ENOPH1: variants seen among roughly 807,000 people sequenced by gnomAD.
The protein encoded by ENOPH1 is enolase-phosphatase E1.
A neutral mutation model predicts 31.1 loss-of-function variants in ENOPH1; 14 were observed. The ratio of observed to expected loss-of-function variants is 0.45; its 90% CI spans 0.30 to 0.70. ENOPH1 has a LOEUF of 0.70. Among genes scored for constraint, ENOPH1 ranks in the 30% least tolerant of loss-of-function variants. The probability of loss-of-function intolerance (pLI) is 0.09; values close to 1 mark genes in which losing one functional copy is unlikely to be tolerated. For missense variants in ENOPH1, 243 were observed against 321.5 expected, an observed-to-expected ratio of 0.76 and a Z score of 1.87; for synonymous variants, 127 against 123.2, an observed-to-expected ratio of 1.03 and a Z score of -0.21.
chr4:82,452,900 C>CTTTTT (rs761337281), intron 3 of ENOPH1, among the ~76,000 whole-genome samples: 1 of 115,926 alleles, frequency 8.6e-6, no homozygotes, highest in Non-Finnish European at 1.8e-5. Context: ...CTGAGAAATT[C>CTTTTT]TTTTTTTTTT....
chr4:82,435,375 A>G (rs1721880182), intron 1 of ENOPH1, among the ~76,000 whole-genome samples: 1 of 152,106 alleles, frequency 6.6e-6, no homozygotes, highest in Admixed American at 6.5e-5. Context: ...GAGTGCTGGG[A>G]TTATAGGCAT....
At chr4:82,452,987 C>T (rs1323422068) in intron 3 of ENOPH1, among the ~76,000 whole-genome samples, 1 of 151,188 alleles carries the variant, frequency 6.6e-6, no homozygotes, top group African/African-American at 2.4e-5. Flanking sequence ...CTGCAAGCTC[C>T]GCCTCCTGGG....
rs1306375430 is a variant in ENOPH1 at position 82,451,197 on chromosome 4, A to G, written c.341A>G (p.Gln114Arg). 8 of 1,614,228 alleles carry G rather than the reference A, an allele frequency of 5.0e-6. No individual in the cohort carries two copies. Among genetic ancestry groups the G allele is most frequent in the African/African-American group, 1.3e-5 (1 of 75,062 alleles). The change falls in exon 3 of 6, where the codon CAG (glutamine) becomes CGG (arginine). Residue 114 changes from glutamine to arginine, a missense_variant. Physicochemically the swap from Gln to Arg is conservative, Grantham distance 43. Transcript: ENST00000273920. ...DRKTTALKQL[Q>R]GHMWRAAFTA... ...AAGACCACTGCACTCAAACAGCTGC[A>G]GGGCCACATGTGGAGGGCGGCATTC...
intron 1 of ENOPH1, among the ~76,000 whole-genome samples, chr4:82,445,784 C>T (rs921458487): frequency 6.6e-6 from 1 of 152,154 alleles, no homozygotes; most frequent in Non-Finnish European, 1.5e-5. Flanking sequence ...TAAATTCTAG[C>T]CTCATTGTCT....
intron 3 of ENOPH1, among the ~76,000 whole-genome samples, chr4:82,452,283 A>G (rs566854416): frequency 1.3e-5 from 2 of 151,752 alleles, no homozygotes; most frequent in East Asian, 3.9e-4. Flanking sequence ...TCCATACCAT[A>G]TTGCTGATAA....
intron 1 of ENOPH1, among the ~76,000 whole-genome samples, chr4:82,441,430 G>GT (rs575196777): frequency 5.5e-4 from 84 of 152,258 alleles, no homozygotes; most frequent in Non-Finnish European, 9.6e-4. Flanking sequence ...AGACCATCCT[G>GT]TTTAACACGG....
intron 3 of ENOPH1, among the ~76,000 whole-genome samples, chr4:82,451,695 T>G (rs1269889133): frequency 2.0e-5 from 3 of 152,236 alleles, no homozygotes; most frequent in African/African-American, 7.2e-5. Flanking sequence ...TCTTTGCTCT[T>G]TTGAGCAACT....
At chr4:82,450,172 G>A (rs546805736) in intron 2 of ENOPH1, among the ~76,000 whole-genome samples, 23 of 152,316 alleles carry the variant, frequency 1.5e-4, no homozygotes, top group African/African-American at 5.3e-4. Flanking sequence ...GGATAACTCA[G>A]GGTTAATCTG....
chr4:82,444,836 T>C lies in ENOPH1; in HGVS notation c.85-3084T>C, dbSNP rs563390368. Among the ~76,000 whole-genome samples, 9 of 152,348 alleles carry C rather than the reference T, an allele frequency of 5.9e-5. No individual in the cohort carries two copies. In the South Asian group the frequency reaches 1.9e-3, roughly 32 times the overall value. ...GGTGGACTGAAAATATTCGCACATT[T>C]ATTTGTAGAATCCTGAGTTTATTGT... On this transcript the variant is annotated intron_variant, in intron 1 of 5. Coordinates refer to ENST00000273920, the MANE Select transcript of ENOPH1 (RefSeq NM_021204.5).
intron 1 of ENOPH1, among the ~76,000 whole-genome samples, chr4:82,438,155 C>T (rs533839711): frequency 1.3e-5 from 2 of 152,084 alleles, no homozygotes; most frequent in African/African-American, 2.4e-5. Flanking sequence ...TTTTTCTACC[C>T]CCCCAAATAT....
intron 1 of ENOPH1, among the ~76,000 whole-genome samples, chr4:82,433,604 T>A (rs930876813): frequency 6.6e-6 from 1 of 152,270 alleles, no homozygotes; most frequent in African/African-American, 2.4e-5. Context: ...GTTAGGTCTG[T>A]GTGGATGTTT....
intron 3 of ENOPH1, among the ~76,000 whole-genome samples, chr4:82,453,667 C>A (rs1395287769): frequency 1.3e-5 from 2 of 152,114 alleles, no homozygotes; most frequent in Non-Finnish European, 2.9e-5. Flanking sequence ...TGACATTTTC[C>A]AGGTAATCTT....
intron 1 of ENOPH1, among the ~76,000 whole-genome samples, chr4:82,436,987 C>G (rs949195464): frequency 7.9e-5 from 12 of 151,866 alleles, no homozygotes; most frequent in African/African-American, 2.7e-4. Flanking sequence ...GGTGGCTCAC[C>G]CCTGTAATCC....
In ENOPH1 at chr4:82,460,356, A is replaced by G. The variant is rs1049843142; in HGVS notation, c.*236A>G. 1.0e-5 allele frequency: 4 copies of G among 398,606 alleles called. No homozygotes were observed. Among genetic ancestry groups the G allele is most frequent in the East Asian group, 4.3e-5 (1 of 23,086 alleles). 24.7% of individuals were successfully genotyped at this position (398,606 alleles called of 1,614,324 possible). A position where few individuals can be genotyped will look rare whatever the true frequency, so the allele number is the denominator to read the frequency against. ...TTATATGTAGAAATTGTTTCAAATC[A>G]TACTCTAACCCTTAGTGAGGGCAAA... On this transcript the variant is annotated 3_prime_UTR_variant, in exon 6 of 6. Transcript: ENST00000273920.
chr4:82,442,304 G>C (rs1385607302), intron 1 of ENOPH1, among the ~76,000 whole-genome samples: 1 of 152,182 alleles, frequency 6.6e-6, no homozygotes, highest in Non-Finnish European at 1.5e-5. Context: ...GGGATCATCA[G>C]AGGTCAGGAG....
Position 82,434,571 on chromosome 4 carries a change from G to A in ENOPH1, c.84+3658G>A, listed in dbSNP as rs142719042. 8.1e-3 allele frequency among the ~76,000 whole-genome samples: 1,225 copies of A among 152,140 alleles called. 16 individuals are homozygous for A. The highest frequency in any genetic ancestry group is 0.027 in the African/African-American group (1,140 of 41,502). On this transcript the variant is annotated intron_variant, in intron 1 of 5. Transcript: ENST00000273920. ...TCTACTAAAAATACAAAAATTAGCC[G>A]GGCATGGTGGTGGGCACCTGTAATC...
At chr4:82,458,205 A>G (rs953670455) in intron 5 of ENOPH1, among the ~76,000 whole-genome samples, 1 of 152,162 alleles carries the variant, frequency 6.6e-6, no homozygotes. Context: ...ATGAAAAACT[A>G]AGTTAATATC....
At position 82,460,072 on chromosome 4, in the gene ENOPH1, C is replaced by T. The variant is rs745727380; in HGVS notation, c.738C>T (p.Tyr246=). Residue 246 remains tyrosine, a synonymous_variant, in exon 6 of 6, where the codon TAC becomes TAT. Transcript: ENST00000273920. The part of the protein sequence containing the change: ...AGLTDDEKTY[Y]SLITSFSELY... ...TAACAGATGATGAGAAGACTTACTA[C>T]AGCCTCATCACATCCTTCAGTGAAC... 2 of 1,614,168 alleles carry T rather than the reference C, an allele frequency of 1.2e-6. No homozygotes were observed. Among genetic ancestry groups the T allele is most frequent in the South Asian group, 2.2e-5 (2 of 91,078 alleles).
rs531745307 is a variant in ENOPH1 at position 82,430,997 on chromosome 4, A to C, written c.84+84A>C. On this transcript the variant is annotated intron_variant, in intron 1 of 5. Transcript: ENST00000273920. The stretch of plus-strand genomic sequence containing the variant: ...CTAAGTATTTCAGGCCTTGCATTGG[A>C]GACGAGGGTTAGGAGAGGCGGTGTG... 23 of 1,273,272 alleles carry C rather than the reference A, an allele frequency of 1.8e-5. No homozygotes were observed. In the East Asian group the frequency reaches 5.5e-4, roughly 31 times the overall value. The allele number at this position is 1,273,272 out of a possible 1,614,324, so 78.9% of individuals were successfully genotyped here. A position where few individuals can be genotyped will look rare whatever the true frequency, so the allele number is the denominator to read the frequency against.
Sources: allele counts gnomAD v4.1 joint callset (sites outside exome capture counted in the v4.1 genomes callset), GRCh38; gene constraint gnomAD v4.1.1; transcripts MANE v1.5; gene names NCBI Gene and HGNC (gene_info 2026-07-23, HGNC 2026-07-21).